FNIP1: variants seen among roughly 807,000 people sequenced by gnomAD.
The protein encoded by FNIP1 is folliculin interacting protein 1.
In FNIP1, 40 loss-of-function variants were observed where a neutral mutation model predicts 124.5. The observed-to-expected ratio is 0.32, with a 90% CI of 0.25 to 0.42. The LOEUF is 0.42. Among genes scored for constraint, FNIP1 ranks in the 10% least tolerant of loss-of-function variants. The pLI, the probability that FNIP1 is intolerant of heterozygous loss-of-function variation, is 1.00. For synonymous variants in FNIP1, 472 were observed against 470.6 expected, an observed-to-expected ratio of 1.00 and a Z score of -0.04; for missense variants, 1,176 against 1,403.7, an observed-to-expected ratio of 0.84 and a Z score of 2.59.
rs26008 is a variant in FNIP1 at position 131,672,501 on chromosome 5, T to C, written c.1943A>G (p.Gln648Arg). The C allele has an allele frequency of 0.92, 1,488,347 of 1,613,456 alleles. 688,162 individuals carry two copies. Among genetic ancestry groups the C allele is most frequent in the Middle Eastern group, 0.96 (5,825 of 6,062 alleles). The change falls in exon 14 of 18, where the codon CAG becomes CGG. Residue 648 changes from glutamine (Q) to arginine (R), a missense_variant. By Grantham distance (43) the Gln-to-Arg change is conservative. This residue lies in a region of FNIP1 where 1,109 missense variants were observed against 1,288.5 expected (regional missense o/e 0.86). Transcript: ENST00000510461. The stretch of plus-strand genomic sequence containing the variant: ...TTGGCAGTCAGAAGGAGAAATCATC[T>C]GGCACTCATCTGAAATTCCTAGCAG... The part of the protein sequence containing the change: ...KELLGISDEC[Q>R]MISPSDCQEE...
chr5:131,746,193 T>C (rs1770671956), intron 1 of FNIP1, among the ~76,000 whole-genome samples: 1 of 152,082 alleles, frequency 6.6e-6, no homozygotes, highest in African/African-American at 2.4e-5. Context: ...ACAATACAAA[T>C]GACAGGACAG....
intron 3 of FNIP1, among the ~76,000 whole-genome samples, chr5:131,723,178 C>A (rs1198729848): frequency 6.6e-6 from 1 of 152,054 alleles, no homozygotes; most frequent in Non-Finnish European, 1.5e-5. Context: ...TTTAAAAAAT[C>A]AATGCCAGTA....
Position 131,644,649 on chromosome 5 carries a change from T to A in FNIP1, c.*36A>T. The A allele has an allele frequency of 6.3e-7, 1 of 1,576,856 alleles. No homozygotes were observed. Among genetic ancestry groups the A allele is most frequent in the Non-Finnish European group, 8.7e-7 (1 of 1,146,982 alleles). On this transcript the variant is annotated 3_prime_UTR_variant, in exon 18 of 18. Coordinates refer to ENST00000510461, the MANE Select transcript of FNIP1 (RefSeq NM_133372.3). The stretch of plus-strand genomic sequence containing the variant: ...TGTGTCTGCTTCCTTGGTTTCTACC[T>A]ATTTTCCCACCAATTTCTAACAATT...
At chr5:131,646,808 A>C (rs1766896554) in intron 17 of FNIP1, among the ~76,000 whole-genome samples, 1 of 152,258 alleles carries the variant, frequency 6.6e-6, no homozygotes, top group South Asian at 2.1e-4. Context: ...CATATTTAAT[A>C]AATGAGTATG....
Position 131,648,976 on chromosome 5 carries a change from A to G in FNIP1, c.3307-1771T>C, listed in dbSNP as rs150789617. On this transcript the variant is annotated intron_variant, in intron 16 of 17. Coordinates refer to ENST00000510461, the MANE Select transcript of FNIP1 (RefSeq NM_133372.3). ...TTATGAGGTTCATCCATGTTGTAGC[A>G]TGTATTAGAATTTCAGTCCTTTTCA... Among the ~76,000 whole-genome samples, 486 of 152,306 alleles carry G rather than the reference A, an allele frequency of 3.2e-3. 6 individuals carry two copies. Among genetic ancestry groups the G allele is most frequent in the African/African-American group, 0.011 (477 of 41,568 alleles).
chr5:131,722,364 G>A (rs915462583), intron 3 of FNIP1, among the ~76,000 whole-genome samples: 1 of 152,136 alleles, frequency 6.6e-6, no homozygotes, highest in Non-Finnish European at 1.5e-5. Flanking sequence ...TTAAGCCACT[G>A]TTTAGAGAGT....
intron 10 of FNIP1, among the ~76,000 whole-genome samples, chr5:131,699,905 T>TAAGA (rs1247197496): frequency 1.2e-5 from 1 of 85,810 alleles, no homozygotes; most frequent in Non-Finnish European, 2.2e-5. Context: ...GGTGATGGAG[T>TAAGA]AAGACTGTTT....
At position 131,706,721 on chromosome 5, in the gene FNIP1, T is replaced by C. The variant is rs574551148; in HGVS notation, c.779-175A>G. On this transcript the variant is annotated intron_variant, in intron 8 of 17. Transcript: ENST00000510461. ...GTAGCAAGGTCTCAGAGGAGAAAAA[T>C]CATATATTAACAATGTATCAGCAAA... 2.0e-4 allele frequency among the ~76,000 whole-genome samples: 31 copies of C among 152,218 alleles called. 1 individual carries two copies. The highest frequency in any genetic ancestry group is 6.2e-4 in the South Asian group (3 of 4,818).
chr5:131,692,701 GGGAGATGTTGGTCAAA>G (rs1183645073), intron 11 of FNIP1, among the ~76,000 whole-genome samples: 1 of 152,072 alleles, frequency 6.6e-6, no homozygotes, highest in Non-Finnish European at 1.5e-5. Flanking sequence ...TGGGAGATAA[GGGAGATGTTGGTCAAA>G]GGACACAAAA....
chr5:131,679,133 T>C lies in FNIP1; in HGVS notation c.1245A>G (p.Glu415=). The C allele has an allele frequency of 1.2e-6, 2 of 1,601,282 alleles. No individual in the cohort carries two copies. Among genetic ancestry groups the C allele is most frequent in the Non-Finnish European group, 8.6e-7 (1 of 1,168,830 alleles). ...CCGACATCATTGTAAGCCAGACAGG[T>C]TCTCCAATTCGTGGCATCGTGTAAA... ...CNLYTMPRIG[E]PVWLTMMSGT... The change falls in exon 12 of 18, where the codon GAA becomes GAG. Residue 415 remains glutamate (E), a synonymous_variant. Coordinates refer to ENST00000510461, the MANE Select transcript of FNIP1 (RefSeq NM_133372.3).
At chr5:131,769,333 G>C (rs1771548788) in intron 1 of FNIP1, among the ~76,000 whole-genome samples, 1 of 151,844 alleles carries the variant, frequency 6.6e-6, no homozygotes, top group Non-Finnish European at 1.5e-5. Context: ...CTAAAATCTT[G>C]GCATTTAAAA....
At chr5:131,673,610 TCTGTAG>T (rs923733831) in intron 13 of FNIP1, among the ~76,000 whole-genome samples, 34 of 152,192 alleles carry the variant, frequency 2.2e-4, no homozygotes, top group African/African-American at 8.2e-4. Context: ...ACACAAGGAT[TCTGTAG>T]CTGTGTCCAA....
intron 11 of FNIP1, among the ~76,000 whole-genome samples, chr5:131,697,416 C>T (rs374732630): frequency 2.6e-5 from 4 of 152,168 alleles, no homozygotes; most frequent in South Asian, 2.1e-4. Context: ...CATGCCAACA[C>T]GCCTGGCCCA....
intron 1 of FNIP1, among the ~76,000 whole-genome samples, chr5:131,752,453 G>GTTCTTAA (rs1770906591): frequency 6.7e-6 from 1 of 150,178 alleles, no homozygotes; most frequent in African/African-American, 2.5e-5. Context: ...TAGGCAAAGA[G>GTTCTTAA]TTCTTAAACA....
At chr5:131,735,440 C>T (rs1012674136) in intron 2 of FNIP1, among the ~76,000 whole-genome samples, 5 of 42,974 alleles carry the variant, frequency 1.2e-4, no homozygotes, top group African/African-American at 4.6e-4. Flanking sequence ...CACATGTACC[C>T]TAGAACTTAA....
rs1342517708 is a variant in FNIP1, at chr5:131,693,309, T to TATAC, written c.1202+5607_1202+5608insGTAT. Among the ~76,000 whole-genome samples, 267 of 29,950 alleles carry TATAC rather than the reference T, an allele frequency of 8.9e-3. 6 individuals carry two copies. Among genetic ancestry groups the TATAC allele is most frequent in the African/African-American group, 0.022 (222 of 10,118 alleles). The allele number at this position is 29,950 out of a possible 152,430, so 19.6% of individuals were successfully genotyped here. Reference sequence around the variant, plus strand: ...AGCTAAATATATACATATATATATATATATATACACATATATATATATACA... The same window carrying TATAC: ...AGCTAAATATATACATATATATATATATACATATATACACATATATATATATACA... On this transcript the variant is annotated intron_variant, in intron 11 of 17. Coordinates refer to ENST00000510461, the MANE Select transcript of FNIP1 (RefSeq NM_133372.3).
chr5:131,643,854 G>T lies in FNIP1; in HGVS notation c.*831C>A, dbSNP rs967378032. 1 of 152,310 alleles carries T rather than the reference G, an allele frequency of 6.6e-6. No homozygotes were observed. Among genetic ancestry groups the T allele is most frequent in the South Asian group, 2.1e-4 (1 of 4,828 alleles). 9.4% of individuals were successfully genotyped at this position (152,310 alleles called of 1,614,324 possible). Reference sequence around the variant, plus strand: ...CCTAATTTTCATTTATGTTAAATTAGTGAATATGTAAATATTAATATTTAT... The same window carrying T: ...CCTAATTTTCATTTATGTTAAATTATTGAATATGTAAATATTAATATTTAT... On this transcript the variant is annotated 3_prime_UTR_variant, in exon 18 of 18. Transcript: ENST00000510461.
chr5:131,672,357 T>A lies in FNIP1; in HGVS notation c.2087A>T (p.Glu696Val), dbSNP rs1397618602. 6.2e-7 allele frequency: 1 copy of A among 1,614,128 alleles called. No homozygotes were observed. Among genetic ancestry groups the A allele is most frequent in the Non-Finnish European group, 8.5e-7 (1 of 1,180,052 alleles). The change falls in exon 14 of 18, where the codon GAG (glutamate) becomes GTG (valine). Residue 696 changes from glutamate to valine, a missense_variant. By Grantham distance (121) the Glu-to-Val change is moderately radical. Transcript: ENST00000510461. ...TTCCTCTGTTGACTCTAAGCCTGAC[T>A]CTGACAATGCACATTTGTCTACTGG... ...SVPVDKCALS[E>V]SGLESTEETW...
At position 131,767,006 on chromosome 5, in the gene FNIP1, A is replaced by G. The variant is rs145102747; in HGVS notation, c.93-22316T>C. On this transcript the variant is annotated intron_variant, in intron 1 of 17. Coordinates refer to ENST00000510461, the MANE Select transcript of FNIP1 (RefSeq NM_133372.3). ...GGAAACACTCTTCACAGACACACTC[A>G]GAAACAATGCTCTTCCAATTTCCAG... is the stretch of plus-strand genomic sequence containing the variant. Among the ~76,000 whole-genome samples, 157 of 152,292 alleles carry G rather than the reference A, an allele frequency of 1.0e-3. 1 individual carries two copies. The highest frequency in any genetic ancestry group is 3.6e-3 in the African/African-American group (150 of 41,558).
Sources: gnomAD v4.1 joint callset for allele counts (sites outside exome capture counted in the v4.1 genomes callset) on GRCh38, gnomAD v4.1.1 for gene constraint, gnomAD v4.1.1 regional missense constraint, MANE v1.5 for transcripts, NCBI Gene and HGNC (gene_info 2026-07-23, HGNC 2026-07-21) for gene names.